The following SPEF2 variants were observed in gnomAD, a reference collection of about 807,000 sequenced individuals.
SPEF2 encodes sperm flagellar and cilia associated 2, also known as sperm flagella and cilia-associated protein 2.
SPEF2 carries 187 observed loss-of-function variants against 224.6 expected under a neutral mutation model. That is an observed-to-expected ratio of 0.83 (90% CI 0.74 to 0.94). The LOEUF (loss-of-function observed/expected upper bound fraction) is 0.94, where lower values mean the gene tolerates loss of function less well. SPEF2 is among the 40% of genes least tolerant of loss of function. The pLI is 0.00. For synonymous variants in SPEF2, 715 were observed against 707.3 expected (o/e 1.01, Z -0.17); for missense variants, 2,170 against 2,135.6 (o/e 1.02, Z -0.32).
intron 17 of SPEF2, among the ~76,000 whole-genome samples, chr5:35,704,903 G>A (rs1739433509): frequency 6.6e-6 from 1 of 151,898 alleles, no homozygotes; most frequent in Non-Finnish European, 1.5e-5. Context: ...TTCCCTTTAC[G>A]GTTACATGCA....
intron 28 of SPEF2, 56 bp downstream of exon 28, chr5:35,774,077 A>C: frequency 1.3e-6 from 2 of 1,585,304 alleles, no homozygotes; most frequent in Non-Finnish European, 1.7e-6. Flanking sequence ...ACCAGTAGCC[A>C]AACAGCCCAC....
chr5:35,673,239 G>A (rs1000979235), intron 10 of SPEF2, among the ~76,000 whole-genome samples: 1 of 152,168 alleles, frequency 6.6e-6, no homozygotes, highest in Non-Finnish European at 1.5e-5. Flanking sequence ...CCTGGTTCCT[G>A]TAGTGCAGCT....
intron 24 of SPEF2, among the ~76,000 whole-genome samples, chr5:35,754,580 T>C (rs918175696): frequency 1.3e-5 from 2 of 152,232 alleles, no homozygotes; most frequent in Admixed American, 1.3e-4. Context: ...TGATTAATTA[T>C]ATTACAAAGA....
At chr5:35,787,755 C>A in intron 30 of SPEF2, 2 of 518,708 alleles carry the variant, frequency 3.9e-6, no homozygotes, top group South Asian at 3.7e-5. Flanking sequence ...TTAATAAGCA[C>A]TCCATAAAAT....
chr5:35,807,683 T>C (rs1207119262), intron 36 of SPEF2: 7 of 1,535,836 alleles, frequency 4.6e-6, no homozygotes, highest in Non-Finnish European at 6.1e-6. Context: ...GTGCAAAAGG[T>C]TGGGCACCAC....
intron 32 of SPEF2, 123 bp downstream of exon 32, chr5:35,793,464 C>A: frequency 1.1e-6 from 1 of 942,868 alleles, no homozygotes; most frequent in Non-Finnish European, 1.5e-6. Context: ...CTCCCCATGT[C>A]TAGGCACCCA....
intron 16 of SPEF2, among the ~76,000 whole-genome samples, chr5:35,702,690 A>G (rs1377797192): frequency 6.6e-6 from 1 of 152,214 alleles, no homozygotes; most frequent in Non-Finnish European, 1.5e-5. Flanking sequence ...GACTATAAAA[A>G]TTAAAAAGAA....
At chr5:35,765,746 A>C (rs1246607289) in intron 26 of SPEF2, among the ~76,000 whole-genome samples, 1 of 152,172 alleles carries the variant, frequency 6.6e-6, no homozygotes, top group Non-Finnish European at 1.5e-5. Flanking sequence ...TTTTCAAATC[A>C]GCTTGTCAAG....
intron 19 of SPEF2, chr5:35,710,851 G>A (rs1371372115): frequency 1.0e-6 from 1 of 985,362 alleles, no homozygotes; most frequent in Non-Finnish European, 1.2e-6. Context: ...TTGCTTTAAA[G>A]AGTGGTTGTA....
At chr5:35,670,035 C>T in intron 9 of SPEF2, 24 bp from the exon 10 acceptor site, 1 of 1,563,670 alleles carries the variant, frequency 6.4e-7, no homozygotes, top group Non-Finnish European at 8.7e-7. Context: ...ATTGATTCAT[C>T]TCTACCTTTT....
At chr5:35,786,600 T>C (rs1343490375) in intron 30 of SPEF2, among the ~76,000 whole-genome samples, 1 of 151,906 alleles carries the variant, frequency 6.6e-6, no homozygotes, top group Non-Finnish European at 1.5e-5. Context: ...GCGGAAGTTG[T>C]AGTGAGCCAA....
At chr5:35,691,010 C>T in intron 10 of SPEF2, 27 bp from the exon 11 acceptor site, 1 of 1,573,266 alleles carries the variant, frequency 6.4e-7, no homozygotes, top group South Asian at 1.2e-5. Flanking sequence ...CAGAATATTT[C>T]TGTTTATTTG....
intron 18 of SPEF2, among the ~76,000 whole-genome samples, chr5:35,706,891 CAG>C (rs1260001975): frequency 2.6e-5 from 4 of 152,156 alleles, no homozygotes; most frequent in Non-Finnish European, 5.9e-5. Flanking sequence ...AGCAATCTTA[CAG>C]AGTCTTGGTT....
At position 35,712,843 on chromosome 5, in the gene SPEF2, G is replaced by A; in HGVS notation, c.2871G>A (p.Gln957=). 1 of 1,613,694 alleles carries A rather than the reference G, an allele frequency of 6.2e-7. No homozygotes were observed. Among genetic ancestry groups the A allele is most frequent in the Non-Finnish European group, 8.5e-7 (1 of 1,179,856 alleles). Residue 957 remains glutamine (Q), a synonymous_variant, in exon 20 of 37, where the codon CAG becomes CAA. Coordinates refer to ENST00000356031, the MANE Select transcript of SPEF2 (RefSeq NM_024867.4). The stretch of plus-strand genomic sequence containing the variant: ...CGCATGGTAAGCAAGAATCTCTTCA[G>A]GAAGGAAAAGGGAAGAAAGGTGAGA... ...EAPHGKQESL[Q]EGKGKKGETA...
At position 35,810,562 on chromosome 5, in the gene SPEF2, G is replaced by A. The variant is rs1355570553; in HGVS notation, c.5379+3309G>A. On this transcript the variant is annotated intron_variant, in intron 36 of 36. Transcript: ENST00000356031. ...AGCAATGTTAACTGAAGTACTATTG[G>A]CATTTGGAGCAGCACAGTTCCTCTT... is the stretch of plus-strand genomic sequence containing the variant. Among the ~76,000 whole-genome samples, 5 of 152,122 alleles carry A rather than the reference G, an allele frequency of 3.3e-5. No homozygotes were observed. In the South Asian group the frequency reaches 1.0e-3, roughly 32 times the overall value.
At position 35,731,869 on chromosome 5, in the gene SPEF2, G is replaced by A. The variant is rs184759709; in HGVS notation, c.3063+4046G>A. ...CAAGACCAGAAAAATTACATCTCAG[G>A]GGCTGGAAGAACCTACAGATATTAC... is the stretch of plus-strand genomic sequence containing the variant. On this transcript the variant is annotated intron_variant, in intron 21 of 36. Coordinates refer to ENST00000356031, the MANE Select transcript of SPEF2 (RefSeq NM_024867.4). Among the ~76,000 whole-genome samples, 337 of 152,222 alleles carry A rather than the reference G, an allele frequency of 2.2e-3. 1 individual carries two copies. The highest frequency in any genetic ancestry group is 4.1e-3 in the Admixed American group (63 of 15,298).
intron 30 of SPEF2, among the ~76,000 whole-genome samples, chr5:35,785,378 C>T (rs1189090284): frequency 6.6e-6 from 1 of 152,108 alleles, no homozygotes; most frequent in Admixed American, 6.5e-5. Flanking sequence ...AGCCAGACAA[C>T]TTACGTTAGA....
chr5:35,705,820 T>C lies in SPEF2; in HGVS notation c.2665+12T>C. The C allele has an allele frequency of 7.0e-7, 1 of 1,430,498 alleles. No individual in the cohort carries two copies. Among genetic ancestry groups the C allele is most frequent in the Admixed American group, 2.4e-5 (1 of 42,138 alleles). The allele number at this position is 1,430,498 out of a possible 1,614,324, so 88.6% of individuals were successfully genotyped here. On this transcript the variant is annotated intron_variant, in intron 18 of 36. Coordinates refer to ENST00000356031, the MANE Select transcript of SPEF2 (RefSeq NM_024867.4). ...AAAAAAGAATAAAGGTATTTACATT[T>C]GTTTATAGTTTTGAGTTTAGGCAAC...
At chr5:35,771,088 A>G (rs1752783661) in intron 26 of SPEF2, among the ~76,000 whole-genome samples, 2 of 152,180 alleles carry the variant, frequency 1.3e-5, no homozygotes, top group South Asian at 4.1e-4. Context: ...TGAAGAAACC[A>G]CAAATATACA....
Sources: gnomAD v4.1 joint callset for allele counts (sites outside exome capture counted in the v4.1 genomes callset) on GRCh38, gnomAD v4.1.1 for gene constraint, MANE v1.5 for transcripts, NCBI Gene and HGNC (gene_info 2026-07-23, HGNC 2026-07-21) for gene names.